HDGFL3: variants seen among roughly 807,000 people sequenced by gnomAD.
The protein encoded by HDGFL3 is HDGF like 3.
A neutral mutation model predicts 27.6 loss-of-function variants in HDGFL3; 6 were observed. The ratio of observed to expected loss-of-function variants is 0.22; its 90% CI spans 0.12 to 0.43. The LOEUF (loss-of-function observed/expected upper bound fraction) is 0.43. HDGFL3 is among the 20% of genes least tolerant of loss of function. The pLI is 1.00. For synonymous variants in HDGFL3, 88 were observed against 88.9 expected (o/e 0.99, Z 0.05); for missense variants, 207 against 250.1 (o/e 0.83, Z 1.16).
rs2037743046 is a variant in HDGFL3, at chr15:83,207,693, C to T, written c.-279G>A. 1 of 152,474 alleles carries T rather than the reference C, an allele frequency of 6.6e-6. No homozygotes were observed. The highest frequency in any genetic ancestry group is 1.4e-5 in the Non-Finnish European group (1 of 70,652). 9.4% of individuals were successfully genotyped at this position (152,474 alleles called of 1,614,324 possible). A position where few individuals can be genotyped will look rare whatever the true frequency, so the allele number is the denominator to read the frequency against. ...GCCGCGCCAAGGTCCCCGCCGCCGC[C>T]GCCGCCGCCGCCGCGCGCGCTGCTC... is the stretch of plus-strand genomic sequence containing the variant. On this transcript the variant is annotated 5_prime_UTR_variant, in exon 1 of 6. Coordinates refer to ENST00000299633, the MANE Select transcript of HDGFL3 (RefSeq NM_016073.4). This position sits in a 1 kb window ranked among gnomAD's most constrained non-coding sequence, Gnocchi z 4.8.
At chr15:83,180,779 G>A (rs2037371099) in intron 1 of HDGFL3, 1 of 151,206 alleles carries the variant, frequency 6.6e-6, no homozygotes, top group African/African-American at 2.4e-5. Flanking sequence ...CCAAGTAGCT[G>A]GGCCTACAAG....
At chr15:83,190,928 G>C (rs185904985) in intron 1 of HDGFL3, among the ~76,000 whole-genome samples, 2 of 152,234 alleles carry the variant, frequency 1.3e-5, no homozygotes, top group African/African-American at 4.8e-5. Flanking sequence ...TACATGGTGT[G>C]AATTAAGGAT....
At chr15:83,195,777 A>G (rs551931299) in intron 1 of HDGFL3, among the ~76,000 whole-genome samples, 68 of 152,236 alleles carry the variant, frequency 4.5e-4, no homozygotes, top group South Asian at 1.0e-3. Context: ...AGAATGAAAA[A>G]AGGGAAAAAA....
chr15:83,141,103 T>C (rs2036760753), intron 5 of HDGFL3, among the ~76,000 whole-genome samples: 1 of 152,228 alleles, frequency 6.6e-6, no homozygotes, highest in Admixed American at 6.5e-5. Context: ...CATCTATGTA[T>C]TGAAAACTGC....
chr15:83,166,043 C>A (rs1241284624), intron 1 of HDGFL3, among the ~76,000 whole-genome samples: 1 of 151,886 alleles, frequency 6.6e-6, no homozygotes, highest in Non-Finnish European at 1.5e-5. Context: ...GGAAATAATT[C>A]AAGAAAATTT....
chr15:83,187,621 G>A (rs1401892445), intron 1 of HDGFL3, among the ~76,000 whole-genome samples: 1 of 152,132 alleles, frequency 6.6e-6, no homozygotes, highest in Non-Finnish European at 1.5e-5. Context: ...GGGCGTGGTG[G>A]CTCACGCCTG....
At chr15:83,175,366 CA>C (rs1201808742) in intron 1 of HDGFL3, among the ~76,000 whole-genome samples, 1 of 152,144 alleles carries the variant, frequency 6.6e-6, no homozygotes, top group Non-Finnish European at 1.5e-5. Flanking sequence ...TATACTTTGA[CA>C]ACTTTGGAAA....
intron 4 of HDGFL3, among the ~76,000 whole-genome samples, chr15:83,152,529 T>C (rs1218556534): frequency 1.3e-5 from 2 of 151,748 alleles, no homozygotes; most frequent in Non-Finnish European, 1.5e-5. Context: ...GGTGAAACCC[T>C]GTCTCTACTA....
Position 83,135,790 on chromosome 15 carries a change from T to C in HDGFL3, c.*3480A>G, listed in dbSNP as rs2036569680. On this transcript the variant is annotated 3_prime_UTR_variant, in exon 6 of 6. Transcript: ENST00000299633. ...TTGATTTAAAAAGGTTGCCTGCATG[T>C]ACATTTGCCATTTTACAAAGAGCAA... The C allele has an allele frequency of 6.6e-6, 1 of 152,254 alleles. No individual in the cohort carries two copies. Among genetic ancestry groups the C allele is most frequent in the African/African-American group, 2.4e-5 (1 of 41,458 alleles). 9.4% of individuals were successfully genotyped at this position (152,254 alleles called of 1,614,324 possible).
rs546651448 is a variant in HDGFL3, at chr15:83,136,162, T to G, written c.*3108A>C. ...AAATTTGAGATTTTATTCAGATTTT[T>G]CTATTAGATTGAGCCACTAATGTTC... On this transcript the variant is annotated 3_prime_UTR_variant, in exon 6 of 6. Coordinates refer to ENST00000299633, the MANE Select transcript of HDGFL3 (RefSeq NM_016073.4). 1 of 211,266 alleles carries G rather than the reference T, an allele frequency of 4.7e-6. No individual in the cohort carries two copies. Among genetic ancestry groups the G allele is most frequent in the East Asian group, 1.0e-4 (1 of 9,624 alleles). 13.1% of individuals were successfully genotyped at this position (211,266 alleles called of 1,614,324 possible).
chr15:83,202,661 T>G (rs180979854), intron 1 of HDGFL3, among the ~76,000 whole-genome samples: 1 of 152,156 alleles, frequency 6.6e-6, no homozygotes, highest in Non-Finnish European at 1.5e-5. Flanking sequence ...TAAATTGAGG[T>G]ATAACTTTCA....
chr15:83,166,949 A>G (rs1034833451), intron 1 of HDGFL3, among the ~76,000 whole-genome samples: 1 of 152,262 alleles, frequency 6.6e-6, no homozygotes, highest in South Asian at 2.1e-4. Flanking sequence ...ACAAATCAAC[A>G]TATGGGCAGG....
intron 5 of HDGFL3, among the ~76,000 whole-genome samples, chr15:83,149,943 A>C (rs1341873101): frequency 6.6e-6 from 1 of 152,190 alleles, no homozygotes; most frequent in Non-Finnish European, 1.5e-5. Context: ...AACCATGACA[A>C]TAGAAAGATG....
Position 83,169,888 on chromosome 15 carries a change from T to C in HDGFL3, c.85-5813A>G, listed in dbSNP as rs184463464. ...TTCAGTAAAGTTTCTGGATACAAAA[T>C]CAATGTACAAAAATCAGTAGCACTT... On this transcript the variant is annotated intron_variant, in intron 1 of 5. Coordinates refer to ENST00000299633, the MANE Select transcript of HDGFL3 (RefSeq NM_016073.4). Among the ~76,000 whole-genome samples the C allele has an allele frequency of 3.9e-5, 6 of 152,206 alleles. No individual in the cohort carries two copies. In the East Asian group the frequency reaches 1.2e-3, roughly 29 times the overall value.
chr15:83,142,076 T>C (rs1006957049), intron 5 of HDGFL3, among the ~76,000 whole-genome samples: 3 of 151,940 alleles, frequency 2.0e-5, no homozygotes, highest in Admixed American at 2.0e-4. Flanking sequence ...TTGGTGGGAG[T>C]GTAAATTAGT....
At chr15:83,112,770 A>G (rs374531797) in exon 4 of HDGFL3, 1 of 1,529,290 alleles carries the variant, frequency 6.5e-7, no homozygotes, top group African/African-American at 1.4e-5. Flanking sequence ...TTTGATAGTG[A>G]CCACCTCCCT....
intron 5 of HDGFL3, among the ~76,000 whole-genome samples, chr15:83,143,118 C>T (rs1401196796): frequency 1.3e-5 from 2 of 151,998 alleles, no homozygotes; most frequent in Non-Finnish European, 2.9e-5. Flanking sequence ...CAGGTTTAAT[C>T]AATTCTGCCT....
chr15:83,163,934 C>T, intron 2 of HDGFL3, 65 bp downstream of exon 2: 1 of 998,286 alleles, frequency 1.0e-6, no homozygotes, highest in Non-Finnish European at 1.6e-6. Context: ...TGTCAGAGAT[C>T]ATCCATAACA....
downstream of HDGFL3, chr15:83,127,594 C>A: frequency 8.5e-7 from 1 of 1,169,726 alleles, no homozygotes; most frequent in South Asian, 1.4e-5. Context: ...AGACATGTCA[C>A]CTTTTGTTTT....
Sources: allele counts gnomAD v4.1 joint callset (sites outside exome capture counted in the v4.1 genomes callset), GRCh38; gene constraint gnomAD v4.1.1; non-coding constraint Gnocchi (gnomAD v3.1); transcripts MANE v1.5; gene names NCBI Gene and HGNC (gene_info 2026-07-23, HGNC 2026-07-21).